BMP7: variants seen among roughly 807,000 people sequenced by gnomAD.
The protein encoded by BMP7 is bone morphogenetic protein 7.
Under a neutral mutation model 41.2 loss-of-function variants are expected in BMP7, and 12 were observed. That is an observed-to-expected ratio of 0.29 (90% CI 0.19 to 0.47). The LOEUF (loss-of-function observed/expected upper bound fraction) is 0.47. Among genes scored for constraint, BMP7 ranks in the 20% least tolerant of loss-of-function variants. The pLI is 0.99. For synonymous variants in BMP7, 248 were observed against 250.0 expected (o/e 0.99, Z 0.07); for missense variants, 467 against 606.0 (o/e 0.77, Z 2.41).
chr20:57,252,358 C>A (rs1460824421), intron 1 of BMP7, among the ~76,000 whole-genome samples: 3 of 152,216 alleles, frequency 2.0e-5, no homozygotes, highest in Admixed American at 6.5e-5. Context: ...CTGCTCCAAG[C>A]AGCATTTAAG....
At chr20:57,194,246 T>C (rs1302117746) in intron 3 of BMP7, among the ~76,000 whole-genome samples, 1 of 152,150 alleles carries the variant, frequency 6.6e-6, no homozygotes, top group Non-Finnish European at 1.5e-5. Flanking sequence ...ACTGTCAAGA[T>C]GATGGGGCCG....
chr20:57,191,540 T>G (rs1182440114), intron 3 of BMP7, among the ~76,000 whole-genome samples: 2 of 151,712 alleles, frequency 1.3e-5, no homozygotes, highest in Non-Finnish European at 2.9e-5. Flanking sequence ...TTGTAGAGAC[T>G]AAAAACCCCG....
intron 3 of BMP7, among the ~76,000 whole-genome samples, chr20:57,188,683 G>C (rs6099492): frequency 4.6e-5 from 7 of 152,040 alleles, no homozygotes; most frequent in African/African-American, 1.7e-4. Flanking sequence ...GTGCCTTAGA[G>C]GGACAGTTTG....
At chr20:57,264,416 G>T (rs2066165815) in intron 1 of BMP7, among the ~76,000 whole-genome samples, 1 of 152,266 alleles carries the variant, frequency 6.6e-6, no homozygotes, top group South Asian at 2.1e-4. Flanking sequence ...CGCTATCGGG[G>T]TGTGTTATCT....
rs1344496533 is a variant in BMP7, at chr20:57,215,366, G to C, written c.612-12743C>G. The stretch of plus-strand genomic sequence containing the variant: ...AGGCAAAAATCAAGAGGACTCAGGT[G>C]GGCAGAAAGCAACAGCTGGGAAGAA... On this transcript the variant is annotated intron_variant, in intron 2 of 6. Coordinates refer to ENST00000395863, the MANE Select transcript of BMP7 (RefSeq NM_001719.3). This position sits in a 1 kb window ranked among gnomAD's most constrained non-coding sequence, Gnocchi z 4.2. 5 of 152,270 alleles carry C rather than the reference G, an allele frequency of 3.3e-5. No homozygotes were observed. Among genetic ancestry groups the C allele is most frequent in the Non-Finnish European group, 7.3e-5 (5 of 68,088 alleles). The allele number at this position is 152,270 out of a possible 1,614,324, so 9.4% of individuals were successfully genotyped here.
chr20:57,216,787 G>A (rs1372141814), intron 2 of BMP7, among the ~76,000 whole-genome samples: 1 of 152,178 alleles, frequency 6.6e-6, no homozygotes, highest in Non-Finnish European at 1.5e-5. Context: ...AGGAGGAGTG[G>A]AGGCCCTGTC....
chr20:57,240,512 T>G (rs994640113), intron 1 of BMP7, among the ~76,000 whole-genome samples: 2 of 152,224 alleles, frequency 1.3e-5, no homozygotes, highest in African/African-American at 4.8e-5. Context: ...TGTTAGCCAG[T>G]TCCAAAGTCA....
rs1984390203 is a variant in BMP7, at chr20:57,192,376, C to T, written c.761-8457G>A. ...TATATATATATAAAGCACATACTAA[C>T]GTAGGTGCTCGTGTACAGATGTAAC... On this transcript the variant is annotated intron_variant, in intron 3 of 6. Transcript: ENST00000395863. Among the ~76,000 whole-genome samples the T allele has an allele frequency of 2.0e-5, 3 of 146,754 alleles. No homozygotes were observed. The Admixed American group carries it at 2.1e-4, about 10-fold the overall frequency.
intron 2 of BMP7, among the ~76,000 whole-genome samples, chr20:57,212,136 G>A (rs891978529): frequency 6.6e-6 from 1 of 152,222 alleles, no homozygotes; most frequent in African/African-American, 2.4e-5. Context: ...AAGGAGGGAA[G>A]AGGCCTCTGG....
At chr20:57,257,883 G>C (rs927301293) in intron 1 of BMP7, among the ~76,000 whole-genome samples, 1 of 149,192 alleles carries the variant, frequency 6.7e-6, no homozygotes, top group African/African-American at 2.5e-5. Flanking sequence ...CCAGGGGGAT[G>C]AGCACTTGGA....
chr20:57,220,088 C>T (rs1985154239), intron 2 of BMP7, among the ~76,000 whole-genome samples: 1 of 152,198 alleles, frequency 6.6e-6, no homozygotes, highest in Admixed American at 6.5e-5. Flanking sequence ...GACCAGGTGT[C>T]AGCTTTCCTT....
At chr20:57,250,867 G>A (rs1340961487) in intron 1 of BMP7, among the ~76,000 whole-genome samples, 1 of 152,180 alleles carries the variant, frequency 6.6e-6, no homozygotes, top group African/African-American at 2.4e-5. Flanking sequence ...AATACACCCA[G>A]TTTCCTGTTT....
At chr20:57,195,411 C>T (rs548437007) in intron 3 of BMP7, among the ~76,000 whole-genome samples, 24 of 152,352 alleles carry the variant, frequency 1.6e-4, no homozygotes, top group African/African-American at 5.5e-4. Flanking sequence ...TTAGTTAACA[C>T]TTGTGACATC....
In BMP7 at chr20:57,252,136, C is replaced by T. The variant is rs1219630944; in HGVS notation, c.418+13569G>A. 2.8e-5 allele frequency among the ~76,000 whole-genome samples: 4 copies of T among 144,620 alleles called. No homozygotes were observed. The East Asian group carries it at 7.7e-4, about 28-fold the overall frequency. 94.9% of individuals were successfully genotyped at this position (144,620 alleles called of 152,430 possible). A position where few individuals can be genotyped will look rare whatever the true frequency, so the allele number is the denominator to read the frequency against. ...GGCAGTAAAGCAGTCAGAGTGAATG[C>T]GTAAGTGGATAGATGTGTTCCAATA... On this transcript the variant is annotated intron_variant, in intron 1 of 6. Transcript: ENST00000395863.
intron 3 of BMP7, among the ~76,000 whole-genome samples, chr20:57,195,590 G>A (rs1169246013): frequency 6.6e-6 from 1 of 152,280 alleles, no homozygotes; most frequent in Non-Finnish European, 1.5e-5. Flanking sequence ...CTTGGAGCCA[G>A]CTGCGCCGTG....
chr20:57,181,025 G>C (rs778872608), intron 4 of BMP7, among the ~76,000 whole-genome samples: 2 of 152,204 alleles, frequency 1.3e-5, no homozygotes, highest in Non-Finnish European at 2.9e-5. Context: ...CTCCCCTTGG[G>C]TGCTTCCTGG....
At chr20:57,201,755 T>G (rs1169612776) in intron 3 of BMP7, among the ~76,000 whole-genome samples, 1 of 152,196 alleles carries the variant, frequency 6.6e-6, no homozygotes, top group African/African-American at 2.4e-5. Flanking sequence ...AGATATCATT[T>G]CTTATCTGTT....
chr20:57,254,059 G>A (rs376945282), intron 1 of BMP7, among the ~76,000 whole-genome samples: 2 of 111,076 alleles, frequency 1.8e-5, no homozygotes. Flanking sequence ...GAGTTGCTCT[G>A]TCACCCAGGC....
chr20:57,247,139 A>G (rs1039340450), intron 1 of BMP7, among the ~76,000 whole-genome samples: 1 of 152,206 alleles, frequency 6.6e-6, no homozygotes, highest in African/African-American at 2.4e-5. Flanking sequence ...AAAGGGCCAG[A>G]GGCTGACTCC....
Sources: gnomAD v4.1 joint callset for allele counts (sites outside exome capture counted in the v4.1 genomes callset) on GRCh38, gnomAD v4.1.1 for gene constraint, Gnocchi (gnomAD v3.1) non-coding constraint, MANE v1.5 for transcripts, NCBI Gene and HGNC (gene_info 2026-07-23, HGNC 2026-07-21) for gene names.